CCDC40: variants seen among roughly 807,000 people sequenced by gnomAD.
CCDC40 encodes coiled-coil domain-containing protein 40.
A neutral mutation model predicts 124.5 loss-of-function variants in CCDC40; 104 were observed. The ratio of observed to expected loss-of-function variants is 0.84; its 90% confidence interval spans 0.71 to 0.98. CCDC40 has a LOEUF of 0.98. Among genes scored for constraint, CCDC40 ranks in the 50% least tolerant of loss-of-function variants. The probability of loss-of-function intolerance (pLI) is 0.00; values close to 1 mark genes in which losing one functional copy is unlikely to be tolerated. For synonymous variants in CCDC40, 580 were observed against 602.9 expected (o/e 0.96, Z 0.56); for missense variants, 1,463 against 1,503.9 (o/e 0.97, Z 0.45).
At chr17:80,080,807 C>A (rs9319623) in intron 10 of CCDC40, among the ~76,000 whole-genome samples, 2 of 152,112 alleles carry the variant, frequency 1.3e-5, no homozygotes, top group Admixed American at 6.6e-5. Flanking sequence ...TGGCTATTGG[C>A]TGCAAAAATA....
At chr17:80,045,384 G>T (rs986693563) in intron 3 of CCDC40, among the ~76,000 whole-genome samples, 1 of 152,174 alleles carries the variant, frequency 6.6e-6, no homozygotes, top group Non-Finnish European at 1.5e-5. Flanking sequence ...GATAATTATT[G>T]TCAATAGTCG....
At chr17:80,082,620 C>T (rs555006015) in intron 12 of CCDC40, among the ~76,000 whole-genome samples, 45 of 152,120 alleles carry the variant, frequency 3.0e-4, no homozygotes, top group Non-Finnish European at 4.9e-4. Flanking sequence ...AGGAGGGTGA[C>T]AGATTCCCGA....
At position 80,096,078 on chromosome 17, in the gene CCDC40, G is replaced by A. The variant is rs540276504; in HGVS notation, c.3021+627G>A. 1.5e-3 allele frequency among the ~76,000 whole-genome samples: 225 copies of A among 152,378 alleles called. 1 individual carries two copies. The Middle Eastern group carries it at 0.017, about 12-fold the overall frequency. On this transcript the variant is annotated intron_variant, in intron 18 of 19. Coordinates refer to ENST00000397545, the MANE Select transcript of CCDC40 (RefSeq NM_017950.4). ...GTTGGCCCCACAGCCCCGCTGACCC[G>A]CTGTGTGACCTCGGAGTATGTGGGC...
chr17:80,081,412 A>AAATAAATAAATAAATG, intron 10 of CCDC40, 134 bp from the exon 11 acceptor site: 2 of 681,560 alleles, frequency 2.9e-6, no homozygotes, highest in Non-Finnish European at 2.5e-6. Flanking sequence ...ATAAATAAAT[A>AAATAAATAAATAAATG]AGAGTTGGCT....
chr17:80,074,984 A>T (rs8072190), intron 10 of CCDC40, among the ~76,000 whole-genome samples: 2,413 of 152,066 alleles, frequency 0.016, 56 homozygotes, highest in African/African-American at 0.055. Context: ...GTGCTATGGT[A>T]CGATCTTGGC....
intron 3 of CCDC40, among the ~76,000 whole-genome samples, chr17:80,046,032 T>C (rs2037412926): frequency 6.6e-6 from 1 of 152,140 alleles, no homozygotes; most frequent in Non-Finnish European, 1.5e-5. Context: ...TAATTTACTA[T>C]GACACCCGTA....
chr17:80,079,058 C>T (rs2038383004), intron 10 of CCDC40, among the ~76,000 whole-genome samples: 1 of 151,846 alleles, frequency 6.6e-6, no homozygotes, highest in African/African-American at 2.4e-5. Flanking sequence ...CTCAGTGTAC[C>T]AAGTAGCTGT....
rs555024589 is a variant in CCDC40 at position 80,061,081 on chromosome 17, C to A, written c.1440+2101C>A. Among the ~76,000 whole-genome samples, 619 of 152,306 alleles carry A rather than the reference C, an allele frequency of 4.1e-3. 4 individuals are homozygous for A. Among genetic ancestry groups the A allele is most frequent in the African/African-American group, 0.014 (570 of 41,574 alleles). The stretch of plus-strand genomic sequence containing the variant: ...CTAGGAGGGGCCGGGTAAGGTGGCT[C>A]ACGCCTGTAATCCCAGCACTTTGGG... On this transcript the variant is annotated intron_variant, in intron 9 of 19. Coordinates refer to ENST00000397545, the MANE Select transcript of CCDC40 (RefSeq NM_017950.4).
intron 2 of CCDC40, among the ~76,000 whole-genome samples, 175 bp downstream of exon 2, chr17:80,038,361 T>C (rs113842196): frequency 9.2e-5 from 14 of 151,926 alleles, no homozygotes; most frequent in Middle Eastern, 3.4e-3. Flanking sequence ...TAAAACCCCA[T>C]CTCTACTAAA....
At chr17:80,084,713 A>G (rs1459359478) in intron 12 of CCDC40, 30 bp from the exon 13 acceptor site, 1 of 1,613,228 alleles carries the variant, frequency 6.2e-7, no homozygotes, top group East Asian at 2.2e-5. Context: ...TGGGGGCAAT[A>G]TTCACAGGTA....
At chr17:80,061,415 C>T (rs1465770210) in intron 9 of CCDC40, among the ~76,000 whole-genome samples, 2 of 149,572 alleles carry the variant, frequency 1.3e-5, no homozygotes, top group Non-Finnish European at 3.0e-5. Context: ...AGATTAAGGA[C>T]GCCACAAACC....
chr17:80,044,411 T>C (rs2037359757), intron 3 of CCDC40, among the ~76,000 whole-genome samples: 1 of 152,106 alleles, frequency 6.6e-6, no homozygotes, highest in African/African-American at 2.4e-5. Flanking sequence ...AGGCCAGGCC[T>C]AGTGGCTCAT....
intron 9 of CCDC40, 138 bp from the exon 10 acceptor site, chr17:80,065,347 G>A: frequency 1.7e-6 from 2 of 1,179,364 alleles, no homozygotes; most frequent in Non-Finnish European, 1.3e-6. Flanking sequence ...TTACCCCTCT[G>A]CAGATGCATG....
At chr17:80,088,700 G>A (rs888932836) in intron 16 of CCDC40, among the ~76,000 whole-genome samples, 46 of 152,162 alleles carry the variant, frequency 3.0e-4, no homozygotes, top group African/African-American at 1.0e-3. Context: ...CCAGCTACTC[G>A]GGAGGCTGAG....
intron 9 of CCDC40, among the ~76,000 whole-genome samples, chr17:80,064,463 G>A (rs1324663183): frequency 6.6e-6 from 1 of 152,140 alleles, no homozygotes; most frequent in African/African-American, 2.4e-5. Flanking sequence ...TGCTGGGCAT[G>A]CAGGCATCAA....
intron 3 of CCDC40, among the ~76,000 whole-genome samples, chr17:80,041,449 C>G (rs7502655): frequency 6.6e-6 from 1 of 151,850 alleles, no homozygotes; most frequent in East Asian, 1.9e-4. Flanking sequence ...CAGGGGTTGC[C>G]GTCAGCCGAG....
chr17:80,074,689 T>C (rs2038271360), intron 10 of CCDC40, among the ~76,000 whole-genome samples: 1 of 152,190 alleles, frequency 6.6e-6, no homozygotes, highest in South Asian at 2.1e-4. Flanking sequence ...CTGTGCAAGA[T>C]GAATGTTGTT....
intron 7 of CCDC40, among the ~76,000 whole-genome samples, chr17:80,055,055 T>C (rs2037702840): frequency 6.7e-6 from 1 of 150,220 alleles, no homozygotes; most frequent in Non-Finnish European, 1.5e-5. Context: ...GCCAAATGGG[T>C]ATTTAATAAA....
At chr17:80,061,941 T>A (rs952067819) in intron 9 of CCDC40, among the ~76,000 whole-genome samples, 2 of 152,038 alleles carry the variant, frequency 1.3e-5, no homozygotes, top group Non-Finnish European at 2.9e-5. Flanking sequence ...CAGATAACAT[T>A]TTTGTATGTT....
Sources: allele counts gnomAD v4.1 joint callset (sites outside exome capture counted in the v4.1 genomes callset), GRCh38; gene constraint gnomAD v4.1.1; transcripts MANE v1.5; gene names NCBI Gene and HGNC (gene_info 2026-07-23, HGNC 2026-07-21).